Variants in DMD observed in about 807,000 individuals in gnomAD.
DMD encodes the protein dystrophin, also known as mutant dystrophin.
DMD carries 63 observed loss-of-function variants against 330.1 expected under a neutral mutation model. The ratio of observed to expected loss-of-function variants is 0.19; its 90% confidence interval spans 0.16 to 0.24. The LOEUF is 0.24. Among genes scored for constraint, DMD ranks in the 10% least tolerant of loss-of-function variants. The pLI is 1.00. For synonymous variants in DMD, 1,223 were observed against 959.8 expected, an observed-to-expected ratio of 1.27 and a Z score of -5.07; for missense variants, 3,344 against 2,684.1, an observed-to-expected ratio of 1.25 and a Z score of -5.43.
intron 55 of DMD, among the ~76,000 whole-genome samples, chrX:31,611,083 A>ATT (rs35681066): frequency 0.035 from 3,477 of 100,397 alleles, 164 homozygotes; most frequent in African/African-American, 0.11. Flanking sequence ...TTGCAGAATC[A>ATT]TTTTTTTTTT....
intron 7 of DMD, among the ~76,000 whole-genome samples, chrX:32,721,342 C>T (rs989780014): frequency 2.7e-5 from 3 of 109,947 alleles, no homozygotes; most frequent in African/African-American, 9.9e-5. Flanking sequence ...GTCAGGGTTC[C>T]CTTTCCTCCT....
At chrX:32,354,109 G>C (rs1348784896) in intron 37 of DMD, among the ~76,000 whole-genome samples, 2 of 111,232 alleles carry the variant, frequency 1.8e-5, no homozygotes, top group Non-Finnish European at 3.8e-5. Context: ...GGCATGCACA[G>C]ATACACTAGC....
At chrX:31,803,753 G>A (rs764126024) in intron 50 of DMD, among the ~76,000 whole-genome samples, 6 of 108,191 alleles carry the variant, frequency 5.5e-5, no homozygotes, top group Admixed American at 9.9e-5. Context: ...AGGCTGGAGC[G>A]CAATGGCACA....
chrX:31,146,138 T>A (rs1277416738), intron 76 of DMD, among the ~76,000 whole-genome samples, 153 bp downstream of exon 76: 1 of 112,771 alleles, frequency 8.9e-6, no homozygotes, highest in African/African-American at 3.2e-5. Flanking sequence ...TTTTTAGAAT[T>A]TTCTTTTTAG....
chrX:33,013,181 T>G (rs993819570), intron 2 of DMD, among the ~76,000 whole-genome samples: 1 of 110,916 alleles, frequency 9.0e-6, no homozygotes, highest in African/African-American at 3.3e-5. Context: ...GGGTCCTAGC[T>G]TCATCTCTCC....
At chrX:33,272,131 G>A (rs2053168320) in intron 1 of DMD, among the ~76,000 whole-genome samples, 1 of 112,171 alleles carries the variant, frequency 8.9e-6, no homozygotes, top group East Asian at 2.9e-4. Context: ...TGATCCGCCT[G>A]CCTCAGTCTC....
chrX:33,071,751 G>C (rs190672646), intron 1 of DMD, among the ~76,000 whole-genome samples: 184 of 111,355 alleles, frequency 1.7e-3, no homozygotes, highest in Non-Finnish European at 3.1e-3. Flanking sequence ...ATTTTAAAAG[G>C]AGTCACATTA....
intron 13 of DMD, among the ~76,000 whole-genome samples, chrX:32,581,210 T>C (rs997301488): frequency 1.8e-5 from 2 of 112,351 alleles, no homozygotes; most frequent in Admixed American, 1.9e-4. Context: ...ATCACAACTT[T>C]TCATCCACAA....
chrX:32,292,302 C>CTTTTTTTTTTTTT (rs10652780), intron 42 of DMD, among the ~76,000 whole-genome samples: 2,105 of 62,774 alleles, frequency 0.034, 383 homozygotes, highest in East Asian at 0.16. Context: ...AGGGAATATT[C>CTTTTTTTTTTTTT]TTTTTTTTTT....
At chrX:31,284,580 T>TCTTCTTCTTCTTCTTC (rs2052956728) in intron 62 of DMD, among the ~76,000 whole-genome samples, 1 of 95,146 alleles carries the variant, frequency 1.1e-5, no homozygotes, top group African/African-American at 4.1e-5. Flanking sequence ...TTCTTCTTCT[T>TCTTCTTCTTCTTCTTC]CTTCTTCTTC....
chrX:32,210,063 A>C (rs746218694), intron 44 of DMD, among the ~76,000 whole-genome samples: 1 of 111,694 alleles, frequency 9.0e-6, no homozygotes, highest in South Asian at 3.7e-4. Flanking sequence ...TAAAAGGGTA[A>C]CAATATTTAC....
chrX:32,158,391 C>T (rs909294080), intron 44 of DMD, among the ~76,000 whole-genome samples: 1 of 109,384 alleles, frequency 9.1e-6, no homozygotes, highest in Non-Finnish European at 1.9e-5. Context: ...AAAAATGCAT[C>T]GAAAGTAAAG....
intron 44 of DMD, among the ~76,000 whole-genome samples, chrX:32,166,151 C>T (rs1383428646): frequency 9.0e-6 from 1 of 111,282 alleles, no homozygotes; most frequent in Admixed American, 9.6e-5. Flanking sequence ...GCCCAGACTG[C>T]CATATATAAA....
chrX:32,110,460 G>A (rs1015660059), intron 44 of DMD, among the ~76,000 whole-genome samples: 2 of 112,006 alleles, frequency 1.8e-5, no homozygotes, highest in East Asian at 2.8e-4. Flanking sequence ...GTGTGTGATA[G>A]TCAATGTTGA....
At chrX:32,360,855 T>A (rs1433800667) in intron 37 of DMD, among the ~76,000 whole-genome samples, 2 of 108,643 alleles carry the variant, frequency 1.8e-5, no homozygotes, top group African/African-American at 6.8e-5. Flanking sequence ...AAATTTCTTA[T>A]GCCTTATGTT....
intron 64 of DMD, among the ~76,000 whole-genome samples, chrX:31,214,937 CTTTTTTTT>C (rs761569710): frequency 5.2e-5 from 2 of 38,101 alleles, no homozygotes; most frequent in Non-Finnish European, 8.6e-5. Flanking sequence ...TTTCTTTTTT[CTTTTTTTT>C]TTTTTTTTTT....
intron 1 of DMD, among the ~76,000 whole-genome samples, chrX:33,275,026 T>C (rs907670238): frequency 6.3e-5 from 7 of 111,507 alleles, no homozygotes; most frequent in Non-Finnish European, 9.4e-5. Context: ...CACAATGGCA[T>C]TGGGGCAAGT....
At chrX:33,295,915 T>C in intron 1 of DMD, among the ~76,000 whole-genome samples, 1 of 111,750 alleles carries the variant, frequency 8.9e-6, no homozygotes, top group South Asian at 3.7e-4. Flanking sequence ...ATCAACCGTA[T>C]GACAAGAGAC....
At chrX:32,850,248 T>C (rs1012403050) in intron 2 of DMD, among the ~76,000 whole-genome samples, 3 of 111,585 alleles carry the variant, frequency 2.7e-5, no homozygotes, top group African/African-American at 9.8e-5. Context: ...TGGTTCGACA[T>C]CCTTATCACT....
Sources: gnomAD v4.1 joint callset for allele counts (sites outside exome capture counted in the v4.1 genomes callset) on GRCh38, gnomAD v4.1.1 for gene constraint, MANE v1.5 for transcripts, NCBI Gene and HGNC (gene_info 2026-07-23, HGNC 2026-07-21) for gene names.